Variants in PTPRD observed in about 807,000 individuals in gnomAD.
PTPRD encodes receptor-type tyrosine-protein phosphatase delta.
In PTPRD, 34 loss-of-function variants were observed where a neutral mutation model predicts 214.5. The ratio of observed to expected loss-of-function variants is 0.16; its 90% confidence interval spans 0.12 to 0.21. The LOEUF (loss-of-function observed/expected upper bound fraction) is 0.21, where lower values mean the gene tolerates loss of function less well. Among genes scored for constraint, PTPRD ranks in the 10% least tolerant of loss-of-function variants. The pLI, the probability that PTPRD is intolerant of heterozygous loss-of-function variation, is 1.00. For synonymous variants in PTPRD, 1,128 were observed against 845.7 expected (o/e 1.33, Z -5.79); for missense variants, 2,545 against 2,398.7 (o/e 1.06, Z -1.27).
At chr9:8,499,132 A>G (rs2097340984) in intron 25 of PTPRD, among the ~76,000 whole-genome samples, 1 of 152,190 alleles carries the variant, frequency 6.6e-6, no homozygotes, top group African/African-American at 2.4e-5. Flanking sequence ...CTGGGACATG[A>G]AACAATGAGT....
At chr9:8,439,931 T>C (rs1037001956) in intron 34 of PTPRD, among the ~76,000 whole-genome samples, 2 of 139,504 alleles carry the variant, frequency 1.4e-5, no homozygotes, top group East Asian at 4.3e-4. Flanking sequence ...CTTGATGTGC[T>C]TTAATTTTTT....
intron 11 of PTPRD, among the ~76,000 whole-genome samples, chr9:8,941,200 G>T (rs144670880): frequency 6.6e-6 from 1 of 152,046 alleles, no homozygotes; most frequent in Non-Finnish European, 1.5e-5. Flanking sequence ...ATTTAAAAAT[G>T]GGTAAATGTA....
At chr9:10,255,461 T>A (rs2093179556) in intron 3 of PTPRD, among the ~76,000 whole-genome samples, 2 of 152,152 alleles carry the variant, frequency 1.3e-5, no homozygotes, top group Admixed American at 6.5e-5. Context: ...GTATAAAAGA[T>A]AAAAGTGATA....
chr9:9,547,549 G>C (rs666041), intron 8 of PTPRD, among the ~76,000 whole-genome samples: 2 of 151,792 alleles, frequency 1.3e-5, no homozygotes, highest in Non-Finnish European at 2.9e-5. Flanking sequence ...AATGCATGTA[G>C]AGTGTGTGAT....
chr9:9,424,898 T>C (rs1017883202), intron 8 of PTPRD, among the ~76,000 whole-genome samples: 2 of 152,202 alleles, frequency 1.3e-5, no homozygotes, highest in East Asian at 1.9e-4. Flanking sequence ...AATTTCTTCA[T>C]CCTGTATACC....
intron 4 of PTPRD, among the ~76,000 whole-genome samples, chr9:9,998,129 A>AAATATAT (rs57991748): frequency 1.1e-5 from 1 of 91,460 alleles, no homozygotes; most frequent in Non-Finnish European, 2.0e-5. Flanking sequence ...AAAAAAAAAA[A>AAATATAT]ATATATATAT....
chr9:9,389,536 T>G (rs963653339), intron 9 of PTPRD, among the ~76,000 whole-genome samples: 13 of 152,120 alleles, frequency 8.5e-5, no homozygotes, highest in Admixed American at 6.6e-5. Flanking sequence ...AAAACATTAA[T>G]TATGTTCCAG....
At chr9:9,632,921 A>G (rs10977897) in intron 7 of PTPRD, among the ~76,000 whole-genome samples, 27,310 of 152,082 alleles carry the variant, frequency 0.18, 2,819 homozygotes, top group African/African-American at 0.28. Flanking sequence ...TGGAGAAGGA[A>G]TAGTAAGATC....
At chr9:9,176,962 A>G (rs1048737818) in intron 10 of PTPRD, among the ~76,000 whole-genome samples, 1 of 152,188 alleles carries the variant, frequency 6.6e-6, no homozygotes, top group African/African-American at 2.4e-5. Context: ...ATGAGTATCT[A>G]TCTATCTATC....
chr9:9,414,002 C>CT (rs1484055183), intron 8 of PTPRD, among the ~76,000 whole-genome samples: 7 of 152,054 alleles, frequency 4.6e-5, no homozygotes, highest in Non-Finnish European at 1.0e-4. Context: ...CTTGCAACAC[C>CT]TTTTTTCTTT....
chr9:9,991,785 A>G (rs971855152), intron 4 of PTPRD, among the ~76,000 whole-genome samples: 1 of 152,012 alleles, frequency 6.6e-6, no homozygotes, highest in Non-Finnish European at 1.5e-5. Flanking sequence ...GTCATTGTCA[A>G]AAACCAGACA....
chr9:8,765,045 T>C (rs1565889141), intron 11 of PTPRD, among the ~76,000 whole-genome samples: 1 of 152,134 alleles, frequency 6.6e-6, no homozygotes. Flanking sequence ...GTTGTGTGAT[T>C]ATGATAAAAT....
At chr9:8,955,562 C>T (rs564809087) in intron 11 of PTPRD, among the ~76,000 whole-genome samples, 2 of 151,864 alleles carry the variant, frequency 1.3e-5, no homozygotes, top group South Asian at 4.2e-4. Context: ...TATAAGCTTC[C>T]CTTGAGCCTT....
At chr9:9,691,634 T>C (rs142189073) in intron 7 of PTPRD, among the ~76,000 whole-genome samples, 264 of 152,200 alleles carry the variant, frequency 1.7e-3, no homozygotes, top group African/African-American at 6.1e-3. Flanking sequence ...CTTTTGGGTT[T>C]ATACTCAGCT....
chr9:8,480,964 C>T (rs1033368256), intron 30 of PTPRD, among the ~76,000 whole-genome samples: 1 of 151,308 alleles, frequency 6.6e-6, no homozygotes, highest in Non-Finnish European at 1.5e-5. Flanking sequence ...ATGGTGAAAT[C>T]CCATTTCTAC....
Position 10,538,279 on chromosome 9 carries a change from TAAATAAATAAATAAATAA to T in PTPRD, c.-600+74101_-600+74118del, listed in dbSNP as rs1463491808. On this transcript the variant is annotated intron_variant, in intron 2 of 45. Coordinates refer to ENST00000381196, the MANE Select transcript of PTPRD (RefSeq NM_002839.4). ...ATAAATAAATAAATAAATAAATAAA[TAAATAAATAAATAAATAA>T]AAAGGGAGAGGAGTGGTTCTGTAAA... 2.8e-4 allele frequency among the ~76,000 whole-genome samples: 41 copies of T among 146,466 alleles called. 1 individual carries two copies. Among genetic ancestry groups the T allele is most frequent in the African/African-American group, 1.0e-3 (40 of 38,278 alleles).
chr9:9,054,696 CA>C (rs1372723964), intron 10 of PTPRD, among the ~76,000 whole-genome samples: 2 of 152,156 alleles, frequency 1.3e-5, no homozygotes, highest in African/African-American at 4.8e-5. Flanking sequence ...CTCACTTAAA[CA>C]AACATTCATT....
At chr9:9,273,256 C>G (rs1943657769) in intron 9 of PTPRD, among the ~76,000 whole-genome samples, 1 of 151,200 alleles carries the variant, frequency 6.6e-6, no homozygotes, top group South Asian at 2.1e-4. Context: ...ATAAATGGAA[C>G]TATCAGGCAT....
At chr9:8,581,250 G>T (rs2093052937) in intron 14 of PTPRD, among the ~76,000 whole-genome samples, 1 of 151,836 alleles carries the variant, frequency 6.6e-6, no homozygotes, top group African/African-American at 2.4e-5. Context: ...CATTAAAATG[G>T]AAAAAGAGAC....
Sources: allele counts gnomAD v4.1 joint callset (sites outside exome capture counted in the v4.1 genomes callset), GRCh38; gene constraint gnomAD v4.1.1; transcripts MANE v1.5; gene names NCBI Gene and HGNC (gene_info 2026-07-23, HGNC 2026-07-21).